TENM4: variants seen among roughly 807,000 people sequenced by gnomAD.
TENM4 encodes the protein teneurin transmembrane protein 4.
Under a neutral mutation model 243.3 loss-of-function variants are expected in TENM4, and 82 were observed. That is an observed-to-expected ratio of 0.34 (90% CI 0.28 to 0.40). The LOEUF is 0.40. TENM4 is among the 10% of genes least tolerant of loss of function. TENM4 has a pLI of 1.00. For missense variants in TENM4, 3,138 were observed against 3,673.3 expected, an observed-to-expected ratio of 0.85 and a Z score of 3.77; for synonymous variants, 1,412 against 1,456.3, an observed-to-expected ratio of 0.97 and a Z score of 0.69.
intron 2 of TENM4, among the ~76,000 whole-genome samples, chr11:79,292,039 T>C (rs534305919): frequency 6.6e-6 from 1 of 152,252 alleles, no homozygotes; most frequent in Non-Finnish European, 1.5e-5. Flanking sequence ...CATATGTGTC[T>C]CCCAGCTGCT....
At chr11:79,260,654 C>T (rs1374619397) in intron 2 of TENM4, among the ~76,000 whole-genome samples, 1 of 152,170 alleles carries the variant, frequency 6.6e-6, no homozygotes, top group Non-Finnish European at 1.5e-5. Context: ...GGACTCGTGA[C>T]TGTGGACTCC....
At chr11:79,246,100 T>C (rs935537055) in intron 2 of TENM4, among the ~76,000 whole-genome samples, 1 of 152,166 alleles carries the variant, frequency 6.6e-6, no homozygotes, top group South Asian at 2.1e-4. Context: ...CCAGGATATA[T>C]GCACTGAAAG....
At chr11:79,261,173 G>A (rs1252000952) in intron 2 of TENM4, among the ~76,000 whole-genome samples, 1 of 152,180 alleles carries the variant, frequency 6.6e-6, no homozygotes, top group African/African-American at 2.4e-5. Flanking sequence ...TGGACCTTTT[G>A]TGTGGAAAGT....
At chr11:78,994,985 T>C (rs537471330) in intron 6 of TENM4, among the ~76,000 whole-genome samples, 1 of 152,288 alleles carries the variant, frequency 6.6e-6, no homozygotes, top group African/African-American at 2.4e-5. Flanking sequence ...TTTTGGGAGA[T>C]ATGAACTAAG....
intron 2 of TENM4, among the ~76,000 whole-genome samples, chr11:79,252,775 G>A (rs1028338936): frequency 1.3e-5 from 2 of 152,054 alleles, no homozygotes; most frequent in African/African-American, 4.8e-5. Flanking sequence ...CTCTCCTGTG[G>A]GTCCAAGGAG....
intron 6 of TENM4, among the ~76,000 whole-genome samples, chr11:78,911,307 A>G (rs1471696514): frequency 1.3e-5 from 2 of 152,174 alleles, no homozygotes; most frequent in African/African-American, 4.8e-5. Flanking sequence ...ATGGGTAAAC[A>G]GCTACTGTAA....
intron 9 of TENM4, among the ~76,000 whole-genome samples, chr11:78,877,001 A>C (rs1015278789): frequency 3.3e-5 from 5 of 152,186 alleles, no homozygotes; most frequent in African/African-American, 1.2e-4. Context: ...AATGCTCAAA[A>C]CACCACTTAG....
At chr11:78,964,961 G>C (rs1325578688) in intron 6 of TENM4, among the ~76,000 whole-genome samples, 2 of 151,940 alleles carry the variant, frequency 1.3e-5, no homozygotes, top group African/African-American at 4.8e-5. Flanking sequence ...TCCATCTCCC[G>C]GGTTCAAGAG....
At chr11:79,053,139 T>C (rs1360318779) in intron 6 of TENM4, among the ~76,000 whole-genome samples, 3 of 152,204 alleles carry the variant, frequency 2.0e-5, no homozygotes, top group African/African-American at 7.2e-5. Flanking sequence ...CAAAATCTGA[T>C]AACCAGTTGG....
chr11:79,025,174 T>TG (rs1215859712), intron 6 of TENM4, among the ~76,000 whole-genome samples: 2 of 152,240 alleles, frequency 1.3e-5, no homozygotes, highest in East Asian at 3.9e-4. Context: ...CACACTAGCC[T>TG]GAGAATTCCC....
chr11:79,236,534 A>AG (rs1864476672), intron 2 of TENM4, among the ~76,000 whole-genome samples: 1 of 152,096 alleles, frequency 6.6e-6, no homozygotes, highest in Non-Finnish European at 1.5e-5. Context: ...TCAGCACTCC[A>AG]GTATCACTTT....
chr11:79,278,389 C>G (rs926741848), intron 2 of TENM4, among the ~76,000 whole-genome samples: 1 of 152,250 alleles, frequency 6.6e-6, no homozygotes, highest in African/African-American at 2.4e-5. Context: ...GTCCTACTGG[C>G]TTAATTTTTG....
chr11:79,144,549 A>G (rs1202926095), intron 4 of TENM4, among the ~76,000 whole-genome samples: 1 of 152,080 alleles, frequency 6.6e-6, no homozygotes, highest in East Asian at 1.9e-4. Context: ...CAACAGATGA[A>G]TGGATAAAGA....
chr11:78,793,109 C>T (rs114926551), intron 15 of TENM4, among the ~76,000 whole-genome samples: 1,919 of 152,272 alleles, frequency 0.013, 49 homozygotes, highest in African/African-American at 0.044. Flanking sequence ...ATCGCTGCTA[C>T]GTTTTAATTT....
chr11:78,707,653 A>G (rs1859290312), intron 27 of TENM4, among the ~76,000 whole-genome samples: 1 of 152,214 alleles, frequency 6.6e-6, no homozygotes, highest in Non-Finnish European at 1.5e-5. Flanking sequence ...CCACTCAGCA[A>G]ACCCCTATTC....
rs1689741672 is a variant in TENM4, at chr11:79,179,767, G to A, written c.-162-30961C>T. ...ATAAAGAGTTTGACATATAGAAGGT[G>A]CTCAAAATAGTTTAGAATAACATTA... On this transcript the variant is annotated intron_variant, in intron 3 of 33. Coordinates refer to ENST00000278550, the MANE Select transcript of TENM4 (RefSeq NM_001098816.3). Among the ~76,000 whole-genome samples the A allele has an allele frequency of 2.0e-5, 3 of 151,778 alleles. No homozygotes were observed. In the South Asian group the frequency reaches 6.3e-4, roughly 32 times the overall value.
intron 12 of TENM4, among the ~76,000 whole-genome samples, chr11:78,843,705 G>C (rs190172767): frequency 6.6e-6 from 1 of 152,284 alleles, no homozygotes; most frequent in East Asian, 1.9e-4. Context: ...ACAAATAAAA[G>C]TTAGTGCTTT....
intron 3 of TENM4, among the ~76,000 whole-genome samples, chr11:79,183,994 C>G (rs568269190): frequency 6.6e-6 from 1 of 152,138 alleles, no homozygotes; most frequent in South Asian, 2.1e-4. Flanking sequence ...TCCAACTATT[C>G]TATTTTTGAA....
intron 1 of TENM4, among the ~76,000 whole-genome samples, chr11:79,395,750 A>G (rs1054186385): frequency 6.6e-6 from 1 of 152,208 alleles, no homozygotes; most frequent in Non-Finnish European, 1.5e-5. Flanking sequence ...CAATAACTGG[A>G]TAACACAGGC....
Sources: gnomAD v4.1 joint callset for allele counts (sites outside exome capture counted in the v4.1 genomes callset) on GRCh38, gnomAD v4.1.1 for gene constraint, MANE v1.5 for transcripts, NCBI Gene and HGNC (gene_info 2026-07-23, HGNC 2026-07-21) for gene names.